The following PPIL6 variants were observed in gnomAD, a reference collection of about 807,000 sequenced individuals.
PPIL6 encodes peptidylprolyl isomerase like 6.
PPIL6 carries 39 observed loss-of-function variants against 36.8 expected under a neutral mutation model. That is an observed-to-expected ratio of 1.06 (90% CI 0.82 to 1.38). PPIL6 has a LOEUF of 1.38. Among genes scored for constraint, PPIL6 ranks in the 40% most tolerant of loss-of-function variants. PPIL6 has a pLI of 0.00. For missense variants in PPIL6, 368 were observed against 379.1 expected (o/e 0.97, Z 0.24); for synonymous variants, 123 against 134.1 (o/e 0.92, Z 0.57).
chr6:109,435,829 G>A (rs1255062997), intron 2 of PPIL6, among the ~76,000 whole-genome samples: 2 of 152,150 alleles, frequency 1.3e-5, no homozygotes, highest in Non-Finnish European at 2.9e-5. Context: ...CGGGGCTGAG[G>A]TAGGAGGACT....
At chr6:109,419,025 C>T (rs772469777) in intron 6 of PPIL6, among the ~76,000 whole-genome samples, 162 bp downstream of exon 6, 1 of 152,112 alleles carries the variant, frequency 6.6e-6, no homozygotes, top group Non-Finnish European at 1.5e-5. Flanking sequence ...CTGCTCTGGT[C>T]GGGCCTTAGG....
chr6:109,407,184 A>G (rs1364311913), intron 6 of PPIL6, among the ~76,000 whole-genome samples: 1 of 151,968 alleles, frequency 6.6e-6, no homozygotes, highest in African/African-American at 2.4e-5. Flanking sequence ...AGAGCTATAT[A>G]TATACACATT....
rs1772460701 is a variant in PPIL6, at chr6:109,399,968, C to A, written c.824+67G>T. ...CCTATACACTATATACAATACTTAT[C>A]CAAATATTTTTAAATGACATTTTTA... On this transcript the variant is annotated intron_variant, in intron 7 of 7. Transcript: ENST00000521072. 3 of 1,359,572 alleles carry A rather than the reference C, an allele frequency of 2.2e-6. No homozygotes were observed. In the Admixed American group the frequency reaches 5.8e-5, roughly 26 times the overall value. The allele number at this position is 1,359,572 out of a possible 1,614,324, so 84.2% of individuals were successfully genotyped here. A position where few individuals can be genotyped will look rare whatever the true frequency, so the allele number is the denominator to read the frequency against.
intron 5 of PPIL6, among the ~76,000 whole-genome samples, chr6:109,422,440 T>A (rs1259055332): frequency 2.0e-5 from 3 of 152,212 alleles, no homozygotes; most frequent in Admixed American, 6.5e-5. Context: ...AAAACATTTT[T>A]AAAAATTTGC....
intron 7 of PPIL6, among the ~76,000 whole-genome samples, chr6:109,395,831 CT>C (rs35305087): frequency 0.45 from 47,744 of 106,494 alleles, 11,142 homozygotes; most frequent in African/African-American, 0.64. Flanking sequence ...GTCTCGATCT[CT>C]TTTTTTTTTT....
Position 109,431,016 on chromosome 6 carries a change from C to G in PPIL6, c.420+141G>C, listed in dbSNP as rs938338868. 11 of 625,460 alleles carry G rather than the reference C, an allele frequency of 1.8e-5. No individual in the cohort carries two copies. In the Admixed American group the frequency reaches 3.1e-4, roughly 17 times the overall value. The allele number at this position is 625,460 out of a possible 1,614,324, so 38.7% of individuals were successfully genotyped here. A position where few individuals can be genotyped will look rare whatever the true frequency, so the allele number is the denominator to read the frequency against. On this transcript the variant is annotated intron_variant, in intron 3 of 7. Coordinates refer to ENST00000521072, the MANE Select transcript of PPIL6 (RefSeq NM_173672.5). ...CATACCACCATATTACAATCTTTTG[C>G]AAATGGAAATGGAACTAGGCTTTAA... is the stretch of plus-strand genomic sequence containing the variant.
intron 6 of PPIL6, 127 bp from the exon 7 acceptor site, chr6:109,400,297 T>G (rs1772476775): frequency 1.4e-6 from 1 of 728,456 alleles, no homozygotes. Context: ...TTCCAAATTG[T>G]AAATATTCTA....
chr6:109,423,319 A>G (rs9480954), intron 5 of PPIL6, among the ~76,000 whole-genome samples: 10,318 of 152,196 alleles, frequency 0.068, 416 homozygotes, highest in South Asian at 0.14. Flanking sequence ...GTGAGCTGAG[A>G]TGGTGCCACG....
rs764600301 is a variant in PPIL6 at position 109,440,321 on chromosome 6, G to A, written c.135+135C>T. ...CCTCCAGACGGAGCCCGCCCGGCCA[G>A]GACACGCCAGCCCCTTCCTCGGCCG... is the stretch of plus-strand genomic sequence containing the variant. On this transcript the variant is annotated intron_variant, in intron 1 of 7. Coordinates refer to ENST00000521072, the MANE Select transcript of PPIL6 (RefSeq NM_173672.5). 6.1e-6 allele frequency: 7 copies of A among 1,153,644 alleles called. No individual in the cohort carries two copies. The East Asian group carries it at 1.6e-4, about 27-fold the overall frequency. The allele number at this position is 1,153,644 out of a possible 1,614,324, so 71.5% of individuals were successfully genotyped here. A position where few individuals can be genotyped will look rare whatever the true frequency, so the allele number is the denominator to read the frequency against.
intron 6 of PPIL6, among the ~76,000 whole-genome samples, chr6:109,403,951 G>A (rs13192476): frequency 0.25 from 38,021 of 152,060 alleles, 4,960 homozygotes; most frequent in Middle Eastern, 0.31. Context: ...CCATGCCTTA[G>A]CTGTTCTGAG....
Position 109,434,698 on chromosome 6 carries a change from G to A in PPIL6, c.231+1406C>T, listed in dbSNP as rs144794820. Among the ~76,000 whole-genome samples, 346 of 152,242 alleles carry A rather than the reference G, an allele frequency of 2.3e-3. 2 individuals are homozygous for A. Among genetic ancestry groups the A allele is most frequent in the Middle Eastern group, 0.01 (3 of 294 alleles). ...AACCCAGCACAGAACAATCGAAACT[G>A]CTCTGGTCAAGGGAAATGAGGTTTC... On this transcript the variant is annotated intron_variant, in intron 2 of 7. Coordinates refer to ENST00000521072, the MANE Select transcript of PPIL6 (RefSeq NM_173672.5).
intron 7 of PPIL6, 88 bp downstream of exon 7, chr6:109,399,947 T>A: frequency 2.8e-6 from 3 of 1,053,412 alleles, no homozygotes; most frequent in Non-Finnish European, 4.0e-6. Flanking sequence ...TAGCTACCTA[T>A]ACACTATATA....
rs540596223 is a variant in PPIL6, at chr6:109,418,679, T to C, written c.688+508A>G. Among the ~76,000 whole-genome samples the C allele has an allele frequency of 3.9e-5, 6 of 152,194 alleles. No individual in the cohort carries two copies. The South Asian group carries it at 1.2e-3, about 32-fold the overall frequency. On this transcript the variant is annotated intron_variant, in intron 6 of 7. Transcript: ENST00000521072. Reference sequence around the variant, plus strand: ...CTCCTGCCTCAGCCTCCTGAGGATCTGGGAGGCGTGCGCCATCATGCCTGG... The same window carrying C: ...CTCCTGCCTCAGCCTCCTGAGGATCCGGGAGGCGTGCGCCATCATGCCTGG...
At chr6:109,399,929 C>T (rs2115199249) in intron 7 of PPIL6, 106 bp downstream of exon 7, 3 of 785,446 alleles carry the variant, frequency 3.8e-6, no homozygotes, top group East Asian at 2.9e-5. Flanking sequence ...GCATTTAAGC[C>T]CTATTTTTAG....
chr6:109,408,449 T>C (rs1178043218), intron 6 of PPIL6, among the ~76,000 whole-genome samples: 1 of 152,212 alleles, frequency 6.6e-6, no homozygotes, highest in Non-Finnish European at 1.5e-5. Context: ...ATACTTTTAT[T>C]TGAGGTATAA....
chr6:109,401,633 T>C (rs944556038), intron 6 of PPIL6, among the ~76,000 whole-genome samples: 6 of 152,194 alleles, frequency 3.9e-5, no homozygotes, highest in African/African-American at 1.4e-4. Flanking sequence ...TGATGCTCCT[T>C]ATTCATTTCA....
At position 109,392,803 on chromosome 6, in the gene PPIL6, C is replaced by A; in HGVS notation, c.*23G>T. The A allele has an allele frequency of 8.0e-7, 1 of 1,253,562 alleles. No homozygotes were observed. The highest frequency in any genetic ancestry group is 1.1e-6 in the Non-Finnish European group (1 of 875,030). The allele number at this position is 1,253,562 out of a possible 1,614,324, so 77.7% of individuals were successfully genotyped here. A position where few individuals can be genotyped will look rare whatever the true frequency, so the allele number is the denominator to read the frequency against. ...GATCAGATACAAAGTAATAAATTAT[C>A]ACAGAAAATATTGATATGAAAATCA... On this transcript the variant is annotated 3_prime_UTR_variant, in exon 8 of 8. Transcript: ENST00000521072.
intron 6 of PPIL6, among the ~76,000 whole-genome samples, chr6:109,418,582 T>A (rs1773384850): frequency 6.6e-6 from 1 of 151,152 alleles, no homozygotes; most frequent in Non-Finnish European, 1.5e-5. Flanking sequence ...AGTCTCACTC[T>A]GTCACCCAGG....
At chr6:109,399,899 T>G in intron 7 of PPIL6, 136 bp downstream of exon 7, 1 of 588,006 alleles carries the variant, frequency 1.7e-6, no homozygotes, top group African/African-American at 1.9e-5. Flanking sequence ...AATACTTTTG[T>G]CTCTATTTGT....
Sources: allele counts gnomAD v4.1 joint callset (sites outside exome capture counted in the v4.1 genomes callset), GRCh38; gene constraint gnomAD v4.1.1; transcripts MANE v1.5; gene names NCBI Gene and HGNC (gene_info 2026-07-23, HGNC 2026-07-21).